The following DEPTOR variants were observed in gnomAD, a reference collection of about 807,000 sequenced individuals.
The protein encoded by DEPTOR is DEP domain-containing mTOR-interacting protein.
Under a neutral mutation model 41.6 loss-of-function variants are expected in DEPTOR, and 41 were observed. That is an observed-to-expected ratio of 0.98 (90% CI 0.77 to 1.28). DEPTOR has a LOEUF of 1.28. DEPTOR is among the 50% of genes most tolerant of loss of function. The pLI, the probability that DEPTOR is intolerant of heterozygous loss-of-function variation, is 0.00. For synonymous variants in DEPTOR, 195 were observed against 192.3 expected, an observed-to-expected ratio of 1.01 and a Z score of -0.12; for missense variants, 514 against 527.9, an observed-to-expected ratio of 0.97 and a Z score of 0.26.
intron 1 of DEPTOR, among the ~76,000 whole-genome samples, chr8:119,922,900 C>G (rs1827914660): frequency 6.6e-6 from 1 of 152,012 alleles, no homozygotes; most frequent in African/African-American, 2.4e-5. Flanking sequence ...TGTAGCAGGC[C>G]CTGGTGGGAC....
At chr8:120,002,791 A>AAAAT in intron 5 of DEPTOR, among the ~76,000 whole-genome samples, 186 bp from the exon 6 acceptor site, 9,072 of 60,418 alleles carry the variant, frequency 0.15, 1,172 homozygotes, top group Non-Finnish European at 0.2. Flanking sequence ...AAAAAAAAAA[A>AAAAT]ATATATATAT....
intron 4 of DEPTOR, among the ~76,000 whole-genome samples, chr8:119,969,345 GTTTTGTT>G (rs1828603786): frequency 1.3e-5 from 2 of 148,328 alleles, no homozygotes; most frequent in African/African-American, 5.1e-5. Flanking sequence ...TAATAAATCT[GTTTTGTT>G]TTTTTTTGTT....
intron 1 of DEPTOR, among the ~76,000 whole-genome samples, chr8:119,922,469 G>A (rs1268553973): frequency 6.6e-6 from 1 of 152,142 alleles, no homozygotes; most frequent in African/African-American, 2.4e-5. Flanking sequence ...GCCACTCTGA[G>A]CATGTTAAAC....
At chr8:119,984,448 G>A (rs2130029288) in intron 4 of DEPTOR, among the ~76,000 whole-genome samples, 1 of 152,142 alleles carries the variant, frequency 6.6e-6, no homozygotes, top group East Asian at 1.9e-4. Flanking sequence ...GCCCCAGTGT[G>A]TGATGTTCCC....
chr8:119,903,180 C>A (rs1827617568), intron 1 of DEPTOR, among the ~76,000 whole-genome samples: 2 of 152,272 alleles, frequency 1.3e-5, no homozygotes, highest in South Asian at 2.1e-4. Flanking sequence ...CTCACTGCAA[C>A]CTCGGCCTCC....
chr8:119,883,452 G>A (rs1827324621), intron 1 of DEPTOR, among the ~76,000 whole-genome samples: 1 of 141,228 alleles, frequency 7.1e-6, no homozygotes, highest in Non-Finnish European at 1.5e-5. Context: ...TCCAGCCTGG[G>A]CGACAGAGCG....
chr8:119,943,550 G>A (rs759250098), intron 3 of DEPTOR, among the ~76,000 whole-genome samples: 26 of 152,042 alleles, frequency 1.7e-4, no homozygotes, highest in Non-Finnish European at 2.6e-4. Flanking sequence ...TCCCTCCCTC[G>A]ACATGTGGGG....
At chr8:119,992,944 A>G (rs1185615128) in intron 4 of DEPTOR, among the ~76,000 whole-genome samples, 1 of 152,154 alleles carries the variant, frequency 6.6e-6, no homozygotes, top group Non-Finnish European at 1.5e-5. Context: ...GGTGTGAGCC[A>G]CTGCGCCCAA....
At chr8:120,040,181 CCTT>C (rs1813040940) in intron 8 of DEPTOR, among the ~76,000 whole-genome samples, 1 of 152,184 alleles carries the variant, frequency 6.6e-6, no homozygotes, top group Admixed American at 6.5e-5. Context: ...AAAACATCAG[CCTT>C]CTTCTTGCAT....
chr8:119,991,416 A>G (rs1812170982), intron 4 of DEPTOR, among the ~76,000 whole-genome samples: 1 of 151,952 alleles, frequency 6.6e-6, no homozygotes, highest in African/African-American at 2.4e-5. Flanking sequence ...CCCGGGTTCA[A>G]GTGATTCTTG....
At chr8:120,041,736 C>A (rs991544354) in intron 8 of DEPTOR, among the ~76,000 whole-genome samples, 5 of 152,170 alleles carry the variant, frequency 3.3e-5, no homozygotes, top group African/African-American at 7.2e-5. Flanking sequence ...CGGGGTTTCA[C>A]CATGTTGGCC....
At position 119,963,469 on chromosome 8, in the gene DEPTOR, C is replaced by T. The variant is rs147353606; in HGVS notation, c.426-1763C>T. On this transcript the variant is annotated intron_variant, in intron 3 of 8. Coordinates refer to ENST00000286234, the MANE Select transcript of DEPTOR (RefSeq NM_022783.4). ...GGTCAAGCAACTCTCCTGCCTCAGC[C>T]TCCTGAGTAGCTGGTACTACAGGCA... is the stretch of plus-strand genomic sequence containing the variant. Among the ~76,000 whole-genome samples the T allele has an allele frequency of 3.3e-3, 497 of 152,256 alleles. 1 individual carries two copies. The highest frequency in any genetic ancestry group is 0.011 in the African/African-American group (472 of 41,546).
At chr8:119,921,865 A>G (rs1455136308) in intron 1 of DEPTOR, among the ~76,000 whole-genome samples, 1 of 151,650 alleles carries the variant, frequency 6.6e-6, no homozygotes, top group Non-Finnish European at 1.5e-5. Context: ...GGTTCAAGCA[A>G]TTCTCCTGTT....
intron 8 of DEPTOR, among the ~76,000 whole-genome samples, chr8:120,027,918 G>T (rs777481689): frequency 6.6e-6 from 1 of 152,062 alleles, no homozygotes; most frequent in Non-Finnish European, 1.5e-5. Context: ...GACTCAGTTG[G>T]TCTGGGGTAA....
intron 6 of DEPTOR, among the ~76,000 whole-genome samples, chr8:120,004,400 G>A (rs1028925218): frequency 9.1e-4 from 138 of 152,232 alleles, no homozygotes; most frequent in African/African-American, 3.2e-3. Flanking sequence ...TGCTAAAGTA[G>A]AATGAAAAAG....
intron 3 of DEPTOR, among the ~76,000 whole-genome samples, chr8:119,931,450 G>C (rs187017585): frequency 6.6e-6 from 1 of 152,174 alleles, no homozygotes; most frequent in African/African-American, 2.4e-5. Context: ...TTAAACGATA[G>C]CTGTGTCAAG....
chr8:119,990,222 A>G (rs1229022506), intron 4 of DEPTOR, among the ~76,000 whole-genome samples: 1 of 152,044 alleles, frequency 6.6e-6, no homozygotes, highest in Admixed American at 6.6e-5. Context: ...GCAGTGGCGC[A>G]TCTCTGCTCA....
chr8:119,882,323 C>T (rs898024699), intron 1 of DEPTOR, among the ~76,000 whole-genome samples: 6 of 151,954 alleles, frequency 3.9e-5, no homozygotes, highest in Non-Finnish European at 8.8e-5. Flanking sequence ...ATTCTTCTGT[C>T]CTGTTGTGTT....
At chr8:119,876,532 GGAGGCTGAGGTGA>G (rs1209434946) in intron 1 of DEPTOR, among the ~76,000 whole-genome samples, 3 of 152,006 alleles carry the variant, frequency 2.0e-5, no homozygotes, top group African/African-American at 7.3e-5. Flanking sequence ...TAGCTACTTG[GGAGGCTGAGGTGA>G]GAGGATTGCT....
Sources: allele counts gnomAD v4.1 joint callset (sites outside exome capture counted in the v4.1 genomes callset), GRCh38; gene constraint gnomAD v4.1.1; transcripts MANE v1.5; gene names NCBI Gene and HGNC (gene_info 2026-07-23, HGNC 2026-07-21).